Variants in FGD5 observed in about 807,000 individuals in gnomAD.
FGD5 encodes the protein FYVE, RhoGEF and PH domain-containing protein 5.
A neutral mutation model predicts 133.4 loss-of-function variants in FGD5; 28 were observed. The observed-to-expected ratio is 0.21, with a 90% CI of 0.16 to 0.29. The LOEUF is 0.29. FGD5 is among the 10% of genes least tolerant of loss of function. The pLI, the probability that FGD5 is intolerant of heterozygous loss-of-function variation, is 1.00. For missense variants in FGD5, 1,858 were observed against 1,895.2 expected (o/e 0.98, Z 0.36); for synonymous variants, 810 against 776.5 (o/e 1.04, Z -0.72).
At chr3:14,868,344 G>A (rs781609297) in intron 2 of FGD5, among the ~76,000 whole-genome samples, 22 of 151,976 alleles carry the variant, frequency 1.4e-4, no homozygotes, top group Non-Finnish European at 3.2e-4. Context: ...GACCCTTCCT[G>A]TCCTCACGCC....
At chr3:14,881,451 CTGTCTGG>C (rs1250939263) in intron 4 of FGD5, among the ~76,000 whole-genome samples, 1 of 152,196 alleles carries the variant, frequency 6.6e-6, no homozygotes, top group Non-Finnish European at 1.5e-5. Flanking sequence ...TCCCCAGGAG[CTGTCTGG>C]CCAGCAAAGG....
At chr3:14,845,253 C>G (rs1575204132) in intron 1 of FGD5, among the ~76,000 whole-genome samples, 1 of 152,206 alleles carries the variant, frequency 6.6e-6, no homozygotes, top group South Asian at 2.1e-4. Context: ...GGGTTTCATC[C>G]AGCTGCATTC....
chr3:14,912,279 G>T (rs1314934820), intron 11 of FGD5, among the ~76,000 whole-genome samples: 2 of 152,160 alleles, frequency 1.3e-5, no homozygotes, highest in African/African-American at 4.8e-5. Context: ...CTCAGGCTCT[G>T]CATGAGGCAC....
chr3:14,900,668 C>T (rs1194934158), intron 8 of FGD5, among the ~76,000 whole-genome samples: 3 of 152,078 alleles, frequency 2.0e-5, no homozygotes, highest in Non-Finnish European at 4.4e-5. Context: ...CATCCTAGGA[C>T]GGGAGGACAT....
intron 1 of FGD5, among the ~76,000 whole-genome samples, chr3:14,826,634 A>C (rs888752681): frequency 6.6e-6 from 1 of 152,232 alleles, no homozygotes; most frequent in Non-Finnish European, 1.5e-5. Flanking sequence ...ATCAGTAAGC[A>C]TTAGCTGTTA....
chr3:14,814,218 G>A (rs2036336850), upstream of FGD5, among the ~76,000 whole-genome samples: 1 of 152,194 alleles, frequency 6.6e-6, no homozygotes, highest in Admixed American at 6.5e-5. Context: ...TCCATGCTGG[G>A]TTCTGGACAG....
intron 1 of FGD5, among the ~76,000 whole-genome samples, chr3:14,850,942 C>T (rs2037151040): frequency 6.6e-6 from 1 of 152,110 alleles, no homozygotes; most frequent in Admixed American, 6.5e-5. Context: ...GTCGGTAATG[C>T]CAAAGATGTG....
Position 14,864,224 on chromosome 3 carries a change from G to A in FGD5, c.2622G>A (p.Glu874=). The A allele has an allele frequency of 6.2e-7, 1 of 1,613,986 alleles. No individual in the cohort carries two copies. The highest frequency in any genetic ancestry group is 8.5e-7 in the Non-Finnish European group (1 of 1,179,888). The part of the protein sequence containing the change: ...SDEEQRSSEE[E]DSASRDPSVT... ...AAGAGCAGAGAAGCTCGGAGGAGGA[G>A]GACAGTGCTTCAAGAGACCCCAGTG... The change falls in exon 2 of 20, where the codon GAG becomes GAA. Residue 874 remains glutamate (E), a synonymous_variant. Coordinates refer to ENST00000285046, the MANE Select transcript of FGD5 (RefSeq NM_152536.4).
intron 1 of FGD5, among the ~76,000 whole-genome samples, chr3:14,859,817 A>T (rs1159838855): frequency 6.6e-6 from 1 of 152,096 alleles, no homozygotes; most frequent in African/African-American, 2.4e-5. Context: ...TGATATCTGA[A>T]TTTGGTTCTA....
chr3:14,835,136 G>A (rs73814195), intron 1 of FGD5, among the ~76,000 whole-genome samples: 6,203 of 152,254 alleles, frequency 0.041, 405 homozygotes, highest in African/African-American at 0.14. Context: ...AGGAAATGGC[G>A]AGCCACTCTC....
At chr3:14,878,951 C>T (rs1422582888) in intron 2 of FGD5, among the ~76,000 whole-genome samples, 1 of 152,194 alleles carries the variant, frequency 6.6e-6, no homozygotes, top group Non-Finnish European at 1.5e-5. Flanking sequence ...TCATGTTCCA[C>T]CCGCCTTAGC....
chr3:14,904,075 G>A (rs1002677510), intron 9 of FGD5, among the ~76,000 whole-genome samples: 12 of 152,180 alleles, frequency 7.9e-5, no homozygotes, highest in African/African-American at 2.9e-4. Flanking sequence ...CATATGAAGG[G>A]CACATACTAG....
intron 1 of FGD5, among the ~76,000 whole-genome samples, chr3:14,859,450 C>G (rs768205404): frequency 3.3e-5 from 5 of 151,890 alleles, no homozygotes; most frequent in Non-Finnish European, 1.5e-5. Context: ...CCCAGCTACT[C>G]GGGAGGCGGA....
intron 1 of FGD5, among the ~76,000 whole-genome samples, chr3:14,835,116 C>A (rs955151146): frequency 2.0e-5 from 3 of 151,902 alleles, no homozygotes; most frequent in African/African-American, 7.3e-5. Context: ...GCAAGCGTTG[C>A]CCCCGCCTTA....
At chr3:14,878,548 G>A (rs79414316) in intron 2 of FGD5, among the ~76,000 whole-genome samples, 12,001 of 152,244 alleles carry the variant, frequency 0.079, 735 homozygotes, top group East Asian at 0.3. Context: ...ACAGTTCCAA[G>A]TGTGAGAGAT....
At chr3:14,871,269 T>C (rs2037601274) in intron 2 of FGD5, among the ~76,000 whole-genome samples, 1 of 152,260 alleles carries the variant, frequency 6.6e-6, no homozygotes, top group Admixed American at 6.5e-5. Flanking sequence ...ATCCTGTTCA[T>C]GGGTGCGTCC....
intron 4 of FGD5, among the ~76,000 whole-genome samples, chr3:14,883,609 C>T (rs1031547193): frequency 6.6e-5 from 10 of 152,212 alleles, no homozygotes; most frequent in Admixed American, 6.5e-4. Context: ...ATTGACCATT[C>T]ATTCTGGAAA....
chr3:14,890,210 G>A (rs1010648229), intron 4 of FGD5, among the ~76,000 whole-genome samples: 1 of 152,140 alleles, frequency 6.6e-6, no homozygotes, highest in African/African-American at 2.4e-5. Context: ...TCTTGTCTCA[G>A]CATAGGCACT....
At chr3:14,817,936 T>C (rs1375840580), upstream of FGD5, among the ~76,000 whole-genome samples, 2 of 152,168 alleles carry the variant, frequency 1.3e-5, no homozygotes, top group Non-Finnish European at 2.9e-5. Context: ...GGAGGAGGCA[T>C]GGGCAGTCTT....
Sources: gnomAD v4.1 joint callset for allele counts (sites outside exome capture counted in the v4.1 genomes callset) on GRCh38, gnomAD v4.1.1 for gene constraint, MANE v1.5 for transcripts, NCBI Gene and HGNC (gene_info 2026-07-23, HGNC 2026-07-21) for gene names.